The following POU2F2 variants were observed in gnomAD, a reference collection of about 807,000 sequenced individuals.
POU2F2 encodes POU class 2 homeobox 2, also known as POU domain, class 2, transcription factor 2.
Under a neutral mutation model 63.5 loss-of-function variants are expected in POU2F2, and 14 were observed. The observed-to-expected ratio is 0.22, with a 90% CI of 0.15 to 0.34. The LOEUF (loss-of-function observed/expected upper bound fraction) is 0.34. Ranked by LOEUF, POU2F2 falls within the 10% of genes least tolerant of loss-of-function variation. POU2F2 has a pLI of 1.00. For synonymous variants in POU2F2, 306 were observed against 348.6 expected (o/e 0.88, Z 1.36); for missense variants, 607 against 815.2 (o/e 0.74, Z 3.11).
chr19:42,129,195 C>A (rs752814965), intron 1 of POU2F2, among the ~76,000 whole-genome samples: 4 of 152,182 alleles, frequency 2.6e-5, no homozygotes, highest in Non-Finnish European at 5.9e-5. Flanking sequence ...CTCAAAGCCT[C>A]ATTCACACAC....
chr19:42,157,561 C>T (rs1452450188), intron 2 of POU2F2: 1 of 152,256 alleles, frequency 6.6e-6, no homozygotes, highest in African/African-American at 2.4e-5. Flanking sequence ...TCATTCAGCT[C>T]ATGCTTGCTG....
At chr19:42,126,278 A>T (rs945548052) in intron 1 of POU2F2, among the ~76,000 whole-genome samples, 12 of 152,002 alleles carry the variant, frequency 7.9e-5, no homozygotes, top group Middle Eastern at 3.4e-3. Flanking sequence ...TCCTACCCCT[A>T]CTAAAAATAC....
chr19:42,186,433 G>A (rs1045588674), intron 1 of POU2F2, among the ~76,000 whole-genome samples: 1 of 152,130 alleles, frequency 6.6e-6, no homozygotes, highest in Non-Finnish European at 1.5e-5. Context: ...GCACACAGGT[G>A]AGGAAGAGTA....
At chr19:42,137,992 G>A (rs1290085776) in intron 2 of POU2F2, among the ~76,000 whole-genome samples, 5 of 152,154 alleles carry the variant, frequency 3.3e-5, no homozygotes, top group Non-Finnish European at 7.4e-5. Context: ...GTGGAGAGGC[G>A]GCCAGGGCCA....
At chr19:42,141,473 CTTTTTTTT>C (rs58221767) in intron 2 of POU2F2, among the ~76,000 whole-genome samples, 71 of 98,970 alleles carry the variant, frequency 7.2e-4, no homozygotes, top group African/African-American at 2.5e-3. Context: ...CTTAATTAAT[CTTTTTTTT>C]TTTTTTTTTT....
upstream of POU2F2, among the ~76,000 whole-genome samples, chr19:42,179,733 C>T (rs1050523660): frequency 6.6e-6 from 1 of 152,128 alleles, no homozygotes; most frequent in Non-Finnish European, 1.5e-5. Context: ...AAGACCTACA[C>T]TGGAAGTGCG....
In POU2F2 at chr19:42,095,935, C is replaced by T; in HGVS notation, c.730-6G>A. 6.2e-7 allele frequency: 1 copy of T among 1,612,404 alleles called. No homozygotes were observed. The highest frequency in any genetic ancestry group is 1.3e-5 in the African/African-American group (1 of 75,006). On this transcript the variant is annotated splice_region_variant and splice_polypyrimidine_tract_variant and intron_variant, in intron 8 of 14. Coordinates refer to ENST00000692977, the MANE Select transcript of POU2F2 (RefSeq NM_001394376.1). The surrounding 1 kb of genome is among the most constrained non-coding windows in gnomAD (Gnocchi z 7.1). ...ATGGCCAGGCCCACATCACCCTGGG[C>T]CAGTGGGGCGGGGAAGGGCCCGAAG...
At chr19:42,163,159 G>A (rs561233750) in intron 1 of POU2F2, among the ~76,000 whole-genome samples, 16 of 152,282 alleles carry the variant, frequency 1.1e-4, no homozygotes, top group Non-Finnish European at 1.3e-4. Context: ...GATGCAAGGA[G>A]AAGGTACAGG....
intron 1 of POU2F2, among the ~76,000 whole-genome samples, chr19:42,131,129 C>T (rs1255564807): frequency 1.4e-5 from 2 of 146,952 alleles, no homozygotes; most frequent in South Asian, 2.2e-4. Flanking sequence ...TGGGCCTCCC[C>T]CATCCCAGCC....
At chr19:42,139,280 A>C (rs539770436) in intron 2 of POU2F2, among the ~76,000 whole-genome samples, 164 of 152,120 alleles carry the variant, frequency 1.1e-3, no homozygotes, top group African/African-American at 3.8e-3. Context: ...AGATCACACC[A>C]CTCTACTTCA....
intron 5 of POU2F2, among the ~76,000 whole-genome samples, chr19:42,105,579 A>G (rs1212107978): frequency 2.0e-5 from 3 of 152,168 alleles, no homozygotes; most frequent in Non-Finnish European, 4.4e-5. Context: ...TTCGTTCTGA[A>G]TCACCAGCGA....
Position 42,092,164 on chromosome 19 carries a change from G to A in POU2F2, c.1371C>T (p.Val457=), listed in dbSNP as rs1163858699. 3 of 1,552,906 alleles carry A rather than the reference G, an allele frequency of 1.9e-6. No homozygotes were observed. In the South Asian group the frequency reaches 3.5e-5, roughly 18 times the overall value. ...TGGTGGTGGCCGGGGGTGGGGGAGTGACAGAGGGGATGGAATTGAGGGGGG... is the reference window on the plus strand; with the variant it reads ...TGGTGGTGGCCGGGGGTGGGGGAGTAACAGAGGGGATGGAATTGAGGGGGG... ...AAPPLNSIPS[V]TPPPPATTNS... The change falls in exon 13 of 15, where the codon GTC becomes GTT. Residue 457 remains valine (V), a synonymous_variant. Transcript: ENST00000692977. The surrounding 1 kb of genome is among the most constrained non-coding windows in gnomAD (Gnocchi z 5.0).
Position 42,131,286 on chromosome 19 carries a change from G to C in POU2F2, c.28+1098C>G, listed in dbSNP as rs962984723. 4.7e-4 allele frequency among the ~76,000 whole-genome samples: 71 copies of C among 152,058 alleles called. 3 individuals carry two copies. Among genetic ancestry groups the C allele is most frequent in the Admixed American group, 2.0e-4 (3 of 15,278 alleles). Reference sequence around the variant, plus strand: ...GGGAGCTCCAGGAGGACAGACCTGAGCTACCCTTTCCACTGTACTTCCAAC... The same window carrying C: ...GGGAGCTCCAGGAGGACAGACCTGACCTACCCTTTCCACTGTACTTCCAAC... On this transcript the variant is annotated intron_variant, in intron 1 of 14. Coordinates refer to ENST00000692977, the MANE Select transcript of POU2F2 (RefSeq NM_001394376.1).
chr19:42,182,344 A>T (rs776840840), intron 1 of POU2F2, among the ~76,000 whole-genome samples: 2 of 151,568 alleles, frequency 1.3e-5, no homozygotes, highest in Non-Finnish European at 2.9e-5. Context: ...AGGCAGAGGG[A>T]GATGTGGTGC....
upstream of POU2F2, among the ~76,000 whole-genome samples, chr19:42,134,893 A>G (rs1443971040): frequency 2.0e-5 from 3 of 152,068 alleles, no homozygotes; most frequent in Admixed American, 2.0e-4. Context: ...CGAGTCGATC[A>G]AATACATTAT....
intron 1 of POU2F2, among the ~76,000 whole-genome samples, chr19:42,127,865 G>A (rs1336356859): frequency 6.6e-6 from 1 of 151,876 alleles, no homozygotes; most frequent in Non-Finnish European, 1.5e-5. Context: ...CTGATCTCAG[G>A]TTCCTAAACA....
intron 12 of POU2F2, 166 bp downstream of exon 12, chr19:42,093,663 G>A (rs923440515): frequency 1.1e-5 from 6 of 549,356 alleles, no homozygotes; most frequent in African/African-American, 5.8e-5. Flanking sequence ...TCCTGCAGAG[G>A]AGGGGTGAGT....
rs1204452276 is a variant in POU2F2, at chr19:42,087,430, C to T, written c.*3827G>A. 6.6e-6 allele frequency: 1 copy of T among 152,068 alleles called. No homozygotes were observed. Among genetic ancestry groups the T allele is most frequent in the Non-Finnish European group, 1.5e-5 (1 of 68,038 alleles). The allele number at this position is 152,068 out of a possible 1,614,324, so 9.4% of individuals were successfully genotyped here. A position where few individuals can be genotyped will look rare whatever the true frequency, so the allele number is the denominator to read the frequency against. On this transcript the variant is annotated 3_prime_UTR_variant, in exon 15 of 15. Coordinates refer to ENST00000692977, the MANE Select transcript of POU2F2 (RefSeq NM_001394376.1). ...CAGGGCTTGGAGAGCCCGTCATGGC[C>T]TTCTCCAGGGAGATGGATGGAAAAC...
Position 42,117,233 on chromosome 19 carries a change from C to T in POU2F2, c.369+17G>A. 6.8e-7 allele frequency: 1 copy of T among 1,467,064 alleles called. No homozygotes were observed. Among genetic ancestry groups the T allele is most frequent in the South Asian group, 1.5e-5 (1 of 66,876 alleles). The allele number at this position is 1,467,064 out of a possible 1,614,324, so 90.9% of individuals were successfully genotyped here. A position where few individuals can be genotyped will look rare whatever the true frequency, so the allele number is the denominator to read the frequency against. On this transcript the variant is annotated intron_variant, in intron 5 of 14. Coordinates refer to ENST00000692977, the MANE Select transcript of POU2F2 (RefSeq NM_001394376.1). This position sits in a 1 kb window ranked among gnomAD's most constrained non-coding sequence, Gnocchi z 4.4. The stretch of plus-strand genomic sequence containing the variant: ...GCTGGTTTGTCCCCTCGTCCCCATC[C>T]TTCCCCAAGTACTTACCCCAGCTAG...
Sources: allele counts gnomAD v4.1 joint callset (sites outside exome capture counted in the v4.1 genomes callset), GRCh38; gene constraint gnomAD v4.1.1; non-coding constraint Gnocchi (gnomAD v3.1); transcripts MANE v1.5; gene names NCBI Gene and HGNC (gene_info 2026-07-23, HGNC 2026-07-21).